ZEB2: variants seen among roughly 807,000 people sequenced by gnomAD.
The protein encoded by ZEB2 is zinc finger E-box-binding homeobox 2.
Under a neutral mutation model 99.9 loss-of-function variants are expected in ZEB2, and 6 were observed. The ratio of observed to expected loss-of-function variants is 0.06; its 90% CI spans 0.03 to 0.12. The LOEUF (loss-of-function observed/expected upper bound fraction) is 0.12. Ranked by LOEUF, ZEB2 falls within the 10% of genes least tolerant of loss-of-function variation. The pLI is 1.00. For synonymous variants in ZEB2, 517 were observed against 542.5 expected (o/e 0.95, Z 0.65); for missense variants, 969 against 1,502.8 (o/e 0.64, Z 5.87).
chr2:144,411,611 C>A (rs1336971434), intron 4 of ZEB2, among the ~76,000 whole-genome samples: 1 of 152,198 alleles, frequency 6.6e-6, no homozygotes, highest in Non-Finnish European at 1.5e-5. Context: ...GAGCCTCCAG[C>A]TGGTACAGAG....
At chr2:144,460,537 T>A (rs931652520) in intron 2 of ZEB2, among the ~76,000 whole-genome samples, 1 of 152,148 alleles carries the variant, frequency 6.6e-6, no homozygotes, top group Non-Finnish European at 1.5e-5. Context: ...AATATTCACA[T>A]TGCTGCTCTG....
intron 2 of ZEB2, among the ~76,000 whole-genome samples, chr2:144,465,457 A>C (rs1283687470): frequency 6.6e-6 from 1 of 152,142 alleles, no homozygotes. Flanking sequence ...ATGTATGTAC[A>C]TTTTGATATC....
chr2:144,498,349 T>G (rs1205658456), intron 2 of ZEB2, among the ~76,000 whole-genome samples: 1 of 150,962 alleles, frequency 6.6e-6, no homozygotes, highest in Non-Finnish European at 1.5e-5. Context: ...CAGTGCAGCC[T>G]GGAGCACGTC....
intron 4 of ZEB2, among the ~76,000 whole-genome samples, chr2:144,411,962 T>C (rs1024489905): frequency 6.6e-6 from 1 of 152,200 alleles, no homozygotes; most frequent in African/African-American, 2.4e-5. Flanking sequence ...ATAGAGTCCA[T>C]TACTTTTTTA....
chr2:144,449,806 A>C (rs1421879242), intron 2 of ZEB2: 1 of 152,282 alleles, frequency 6.6e-6, no homozygotes, highest in Non-Finnish European at 1.5e-5. Context: ...GCGGTTACCA[A>C]CTGAGTCGGG....
intron 9 of ZEB2, chr2:144,390,609 T>C (rs1406325501): frequency 3.0e-5 from 5 of 166,098 alleles, no homozygotes; most frequent in African/African-American, 9.6e-5. Flanking sequence ...AGTCTAAGAA[T>C]AAAAATCAGA....
At position 144,520,024 on chromosome 2, in the gene ZEB2, G is replaced by A. The variant is rs754681663; in HGVS notation, c.-155C>T. On this transcript the variant is annotated 5_prime_UTR_variant, in exon 1 of 10. Transcript: ENST00000627532. ...CGCGAAGTGTGGGGGAGAAAAAGGT[G>A]GAAGCGAAGAAACAGCTCCCGGAGC... The A allele has an allele frequency of 4.4e-6, 2 of 454,528 alleles. No homozygotes were observed. Among genetic ancestry groups the A allele is most frequent in the South Asian group, 3.1e-5 (2 of 64,468 alleles). 28.2% of individuals were successfully genotyped at this position (454,528 alleles called of 1,614,324 possible).
At chr2:144,404,761 C>A (rs1173535575) in intron 5 of ZEB2, 75 bp downstream of exon 5, 1 of 1,535,108 alleles carries the variant, frequency 6.5e-7, no homozygotes, top group East Asian at 2.3e-5. Flanking sequence ...GGTAAACACC[C>A]AGGCATGTAG....
In ZEB2 at chr2:144,385,735, C is replaced by T. The variant is rs1434695063; in HGVS notation, c.*3716G>A. ...GGTTAACAATTTTTCAGTTCAAATA[C>T]ATGTAAACTTATTATTGGGCAGTCT... On this transcript the variant is annotated 3_prime_UTR_variant, in exon 10 of 10. Transcript: ENST00000627532. 1.3e-5 allele frequency: 2 copies of T among 152,178 alleles called. No individual in the cohort carries two copies. The highest frequency in any genetic ancestry group is 2.9e-5 in the Non-Finnish European group (2 of 68,032). The allele number at this position is 152,178 out of a possible 1,614,324, so 9.4% of individuals were successfully genotyped here. A position where few individuals can be genotyped will look rare whatever the true frequency, so the allele number is the denominator to read the frequency against.
At chr2:144,422,377 C>T (rs1703629650) in intron 4 of ZEB2, among the ~76,000 whole-genome samples, 1 of 152,200 alleles carries the variant, frequency 6.6e-6, no homozygotes, top group African/African-American at 2.4e-5. Flanking sequence ...CTCACAGACT[C>T]CTCTTCAATT....
chr2:144,454,978 T>A (rs1333635156), intron 2 of ZEB2: 1 of 152,192 alleles, frequency 6.6e-6, no homozygotes, highest in Non-Finnish European at 1.5e-5. Context: ...AGAGAAGATT[T>A]CATTTGGTCC....
rs201567433 is a variant in ZEB2 at position 144,398,826 on chromosome 2, A to G, written c.2361T>C (p.Asn787=). 7.6e-5 allele frequency: 122 copies of G among 1,614,098 alleles called. 2 individuals are homozygous for G. The Admixed American group carries it at 2.0e-3, about 27-fold the overall frequency. The change falls in exon 8 of 10, where the codon AAT becomes AAC. Residue 787 remains asparagine, a synonymous_variant. Transcript: ENST00000627532. The stretch of plus-strand genomic sequence containing the variant: ...AGTTTTTAGAAGATGTGGAGGAAAG[A>G]TTTAAGGGAGAAGGAGTATTACTCC... ...HSRSNTPSPL[N]LSSTSSKNSH...
intron 4 of ZEB2, among the ~76,000 whole-genome samples, chr2:144,409,342 G>T (rs1039512880): frequency 2.6e-5 from 4 of 152,166 alleles, no homozygotes; most frequent in African/African-American, 9.7e-5. Context: ...TTTTTAGAAA[G>T]ATTATGCAAT....
intron 2 of ZEB2, chr2:144,513,737 C>A: frequency 6.5e-7 from 1 of 1,536,040 alleles, no homozygotes. Flanking sequence ...AAACGGGCCG[C>A]ACCGGTGGCA....
intron 2 of ZEB2, among the ~76,000 whole-genome samples, chr2:144,443,646 G>A (rs1703946604): frequency 1.3e-5 from 2 of 152,156 alleles, no homozygotes; most frequent in African/African-American, 4.8e-5. Context: ...AATAAAATGT[G>A]TATGTGCTTG....
At chr2:144,472,384 T>C (rs1442141542) in intron 2 of ZEB2, among the ~76,000 whole-genome samples, 3 of 152,102 alleles carry the variant, frequency 2.0e-5, no homozygotes, top group Admixed American at 6.6e-5. Context: ...AACCCAGTTA[T>C]GTGGTCCTCA....
At chr2:144,511,121 T>C (rs1042799959) in intron 2 of ZEB2, among the ~76,000 whole-genome samples, 2 of 152,204 alleles carry the variant, frequency 1.3e-5, no homozygotes, top group Non-Finnish European at 2.9e-5. Context: ...GTATTTTCTG[T>C]CTTCATGGAC....
At chr2:144,413,781 A>T (rs1703497246) in intron 4 of ZEB2, among the ~76,000 whole-genome samples, 1 of 152,166 alleles carries the variant, frequency 6.6e-6, no homozygotes, top group Admixed American at 6.5e-5. Flanking sequence ...TTATATATCC[A>T]CTCAACTCTT....
At chr2:144,429,738 A>T (rs1430239639) in intron 3 of ZEB2, 31 bp downstream of exon 3, 1 of 1,613,728 alleles carries the variant, frequency 6.2e-7, no homozygotes, top group South Asian at 1.1e-5. Flanking sequence ...AAGATGGTAC[A>T]GGAAGAGGCC....
Sources: allele counts gnomAD v4.1 joint callset (sites outside exome capture counted in the v4.1 genomes callset), GRCh38; gene constraint gnomAD v4.1.1; transcripts MANE v1.5; gene names NCBI Gene and HGNC (gene_info 2026-07-23, HGNC 2026-07-21).